Variants in MEMO1 observed in about 807,000 individuals in gnomAD.
MEMO1 encodes mediator of cell motility 1, also known as protein MEMO1.
Under a neutral mutation model 45.2 loss-of-function variants are expected in MEMO1, and 6 were observed. The ratio of observed to expected loss-of-function variants is 0.13; its 90% confidence interval spans 0.07 to 0.26. The LOEUF (loss-of-function observed/expected upper bound fraction) is 0.26, where lower values mean the gene tolerates loss of function less well. Among genes scored for constraint, MEMO1 ranks in the 10% least tolerant of loss-of-function variants. The pLI is 1.00. For missense variants in MEMO1, 184 were observed against 370.5 expected, an observed-to-expected ratio of 0.50 and a Z score of 4.13; for synonymous variants, 78 against 124.3, an observed-to-expected ratio of 0.63 and a Z score of 2.48.
At chr2:31,899,684 G>T (rs888972539) in intron 6 of MEMO1, among the ~76,000 whole-genome samples, 5 of 152,206 alleles carry the variant, frequency 3.3e-5, no homozygotes, top group African/African-American at 1.2e-4. Flanking sequence ...ATTGACAAAT[G>T]AGATCTAATT....
At position 31,870,662 on chromosome 2, in the gene MEMO1, T is replaced by C. The variant is rs937691022; in HGVS notation, c.658-710A>G. On this transcript the variant is annotated intron_variant, in intron 8 of 9. Transcript: ENST00000404530. ...TGCGATCTCAGCTCACTGCAACCCC[T>C]GCCTCCTGGGTTCAAGCAATTTTCC... 4.6e-5 allele frequency among the ~76,000 whole-genome samples: 7 copies of C among 152,274 alleles called. 1 individual carries two copies. In the South Asian group the frequency reaches 1.0e-3, roughly 23 times the overall value.
intron 2 of MEMO1, among the ~76,000 whole-genome samples, chr2:32,005,826 T>C (rs1673999804): frequency 6.6e-6 from 1 of 152,152 alleles, no homozygotes. Context: ...GCTGAGTACT[T>C]AGGGTACAAA....
intron 2 of MEMO1, among the ~76,000 whole-genome samples, chr2:31,972,441 T>C (rs886196888): frequency 1.3e-5 from 2 of 152,224 alleles, no homozygotes; most frequent in African/African-American, 2.4e-5. Flanking sequence ...CCGAATGCAG[T>C]GGCTCACCCC....
At chr2:31,958,483 T>C (rs183371019) in intron 2 of MEMO1, among the ~76,000 whole-genome samples, 1 of 152,090 alleles carries the variant, frequency 6.6e-6, no homozygotes, top group Non-Finnish European at 1.5e-5. Flanking sequence ...TACAATGCCA[T>C]GGCACCTTCT....
chr2:31,999,229 G>C (rs182862805), intron 2 of MEMO1, among the ~76,000 whole-genome samples: 38 of 152,152 alleles, frequency 2.5e-4, no homozygotes, highest in Non-Finnish European at 4.3e-4. Context: ...TGGTCTCCCT[G>C]GTTCTGCCCT....
intron 4 of MEMO1, among the ~76,000 whole-genome samples, chr2:31,922,315 A>G (rs1047604344): frequency 1.6e-4 from 25 of 151,698 alleles, no homozygotes; most frequent in African/African-American, 5.8e-4. Flanking sequence ...GAGGAGATAA[A>G]GCTGTGGATA....
chr2:31,932,503 A>G (rs570287719), intron 3 of MEMO1, among the ~76,000 whole-genome samples: 39 of 151,884 alleles, frequency 2.6e-4, no homozygotes, highest in Non-Finnish European at 4.0e-4. Context: ...CAGTGGTGCA[A>G]TCATGGCTCA....
At chr2:31,907,786 A>AACACACACACAC (rs3065385) in intron 6 of MEMO1, among the ~76,000 whole-genome samples, 13 of 145,404 alleles carry the variant, frequency 8.9e-5, no homozygotes, top group African/African-American at 3.1e-4. Flanking sequence ...CCGTGTCTTA[A>AACACACACACAC]ACACACACAC....
rs868505845 is a variant in MEMO1, at chr2:31,923,531, A to G, written c.213-2621T>C. The G allele has an allele frequency of 9.7e-6, 12 of 1,242,114 alleles. No individual in the cohort carries two copies. In the Middle Eastern group the frequency reaches 6.0e-4, roughly 62 times the overall value. The allele number at this position is 1,242,114 out of a possible 1,614,324, so 76.9% of individuals were successfully genotyped here. ...CTCTGGTCACCTATCTTAATAGCAC[A>G]TAAATAACATGACACTTTGTTTTAA... On this transcript the variant is annotated intron_variant, in intron 4 of 9. Coordinates refer to ENST00000404530, the MANE Select transcript of MEMO1 (RefSeq NM_001301833.4).
chr2:31,932,447 T>G (rs970265173), intron 3 of MEMO1, among the ~76,000 whole-genome samples: 17 of 151,746 alleles, frequency 1.1e-4, no homozygotes, highest in Non-Finnish European at 1.8e-4. Context: ...TGTTGTTGTT[T>G]TTTTTTTTTG....
intron 8 of MEMO1, 56 bp from the exon 9 acceptor site, chr2:31,870,008 A>G: frequency 7.9e-7 from 1 of 1,259,262 alleles, no homozygotes; most frequent in Non-Finnish European, 1.1e-6. Flanking sequence ...GACAATATTT[A>G]TTATTTCCTA....
chr2:31,874,653 AGTTT>A (rs1674296343), intron 8 of MEMO1, among the ~76,000 whole-genome samples: 1 of 152,008 alleles, frequency 6.6e-6, no homozygotes, highest in Non-Finnish European at 1.5e-5. Context: ...TTTTATACTT[AGTTT>A]CTTTTTACTC....
At chr2:31,911,336 G>C (rs115461238) in intron 6 of MEMO1, among the ~76,000 whole-genome samples, 1 of 152,160 alleles carries the variant, frequency 6.6e-6, no homozygotes, top group Non-Finnish European at 1.5e-5. Context: ...TACTGAGACA[G>C]TAAACTGATC....
At chr2:31,878,143 G>A (rs942059771) in intron 8 of MEMO1, among the ~76,000 whole-genome samples, 1 of 152,110 alleles carries the variant, frequency 6.6e-6, no homozygotes, top group Non-Finnish European at 1.5e-5. Flanking sequence ...TAAGCAAAAC[G>A]GGCAAACGCC....
At chr2:31,937,555 C>A (rs1665062385) in intron 3 of MEMO1, among the ~76,000 whole-genome samples, 1 of 152,142 alleles carries the variant, frequency 6.6e-6, no homozygotes, top group Non-Finnish European at 1.5e-5. Flanking sequence ...ACAAACTTGT[C>A]TTCTATATAC....
intron 7 of MEMO1, among the ~76,000 whole-genome samples, chr2:31,885,378 C>G (rs1410435448): frequency 6.6e-6 from 1 of 152,200 alleles, no homozygotes; most frequent in East Asian, 1.9e-4. Context: ...CCTTGGCCTC[C>G]CAAAGTGCTG....
intron 9 of MEMO1, among the ~76,000 whole-genome samples, chr2:31,869,332 TTC>T (rs976180644): frequency 3.3e-5 from 5 of 152,276 alleles, no homozygotes; most frequent in African/African-American, 7.2e-5. Flanking sequence ...AAAATGCTAT[TTC>T]TTTTTCTAAA....
chr2:31,989,903 T>C (rs958957837), intron 2 of MEMO1, among the ~76,000 whole-genome samples: 4 of 152,124 alleles, frequency 2.6e-5, no homozygotes. Flanking sequence ...AGATCACTTG[T>C]ACCCAGGAGA....
At chr2:31,894,571 T>C (rs1447151062) in intron 6 of MEMO1, among the ~76,000 whole-genome samples, 1 of 152,052 alleles carries the variant, frequency 6.6e-6, no homozygotes, top group Non-Finnish European at 1.5e-5. Flanking sequence ...ACTGGCTGAC[T>C]AGGAGGCTGC....
Sources: gnomAD v4.1 joint callset for allele counts (sites outside exome capture counted in the v4.1 genomes callset) on GRCh38, gnomAD v4.1.1 for gene constraint, MANE v1.5 for transcripts, NCBI Gene and HGNC (gene_info 2026-07-23, HGNC 2026-07-21) for gene names.